COL13A1: variants seen among roughly 807,000 people sequenced by gnomAD.
COL13A1 encodes the protein collagen alpha-1(XIII) chain.
Under a neutral mutation model 130.9 loss-of-function variants are expected in COL13A1, and 89 were observed. That is an observed-to-expected ratio of 0.68 (90% CI 0.57 to 0.81). The LOEUF is 0.81. COL13A1 is among the 30% of genes least tolerant of loss of function. COL13A1 has a pLI of 0.00. For synonymous variants in COL13A1, 402 were observed against 341.6 expected (o/e 1.18, Z -1.95); for missense variants, 879 against 934.6 (o/e 0.94, Z 0.78).
rs190072633 is a variant in COL13A1, at chr10:69,922,556, C to T, written c.1144-152C>T. On this transcript the variant is annotated intron_variant, in intron 22 of 40. Coordinates refer to ENST00000645393, the MANE Select transcript of COL13A1 (RefSeq NM_001368882.1). ...CCTTCAGTAAACACTTCCAATCTCT[C>T]TTCAAATCCCACAGCTGGATCAGAT... Among the ~76,000 whole-genome samples the T allele has an allele frequency of 6.6e-5, 10 of 152,338 alleles. No homozygotes were observed. In the East Asian group the frequency reaches 1.7e-3, roughly 26 times the overall value.
intron 1 of COL13A1, among the ~76,000 whole-genome samples, chr10:69,817,785 G>A (rs12573027): frequency 0.049 from 7,446 of 152,092 alleles, 283 homozygotes; most frequent in East Asian, 0.15. Context: ...AAGTTGGTAG[G>A]ACCCGCAGGT....
intron 10 of COL13A1, among the ~76,000 whole-genome samples, chr10:69,891,310 T>C (rs1424107778): frequency 1.3e-5 from 2 of 152,214 alleles, no homozygotes; most frequent in African/African-American, 4.8e-5. Context: ...AAGAGACTTT[T>C]GAACTAGTGC....
rs1435292281 is a variant in COL13A1, at chr10:69,802,852, G to T, written c.294+135G>T. ...TTCGCGCGAGTTGCCTGCGGGAGGGGTCGGGGACACGGACAGACGCTGCCC... is the reference window on the plus strand; with the variant it reads ...TTCGCGCGAGTTGCCTGCGGGAGGGTTCGGGGACACGGACAGACGCTGCCC... On this transcript the variant is annotated intron_variant, in intron 1 of 40. Coordinates refer to ENST00000645393, the MANE Select transcript of COL13A1 (RefSeq NM_001368882.1). The T allele has an allele frequency of 4.3e-6, 5 of 1,170,308 alleles. No homozygotes were observed. The African/African-American group carries it at 6.2e-5, about 15-fold the overall frequency. 72.5% of individuals were successfully genotyped at this position (1,170,308 alleles called of 1,614,324 possible).
chr10:69,890,751 T>G (rs964639265), intron 10 of COL13A1, among the ~76,000 whole-genome samples: 1 of 152,250 alleles, frequency 6.6e-6, no homozygotes, highest in Admixed American at 6.5e-5. Flanking sequence ...TAATATTTAT[T>G]GAGGGTTTGC....
chr10:69,949,115 C>T (rs986969382), intron 38 of COL13A1, among the ~76,000 whole-genome samples: 3 of 152,144 alleles, frequency 2.0e-5, no homozygotes, highest in Non-Finnish European at 2.9e-5. Flanking sequence ...CTCTTCATGC[C>T]GGGGATTTGA....
chr10:69,858,115 C>CAAAAAAAAAAAAAAAAAAA (rs573668102), intron 2 of COL13A1, among the ~76,000 whole-genome samples: 8 of 80,368 alleles, frequency 1.0e-4, no homozygotes, highest in Admixed American at 1.7e-4. Context: ...GACTCCGTCT[C>CAAAAAAAAAAAAAAAAAAA]AAAAAAAAAA....
chr10:69,949,245 C>T (rs151115111), intron 38 of COL13A1, among the ~76,000 whole-genome samples: 2,015 of 152,262 alleles, frequency 0.013, 57 homozygotes, highest in Admixed American at 0.037. Context: ...TGCAATGGCG[C>T]GATCTCAGCT....
intron 13 of COL13A1, chr10:69,897,428 G>A (rs1289549868): frequency 6.2e-6 from 10 of 1,602,062 alleles, no homozygotes; most frequent in East Asian, 4.5e-5. Flanking sequence ...CTCCCCTCAC[G>A]GTCCCTGTCG....
chr10:69,887,186 C>T (rs1473361921), intron 7 of COL13A1, among the ~76,000 whole-genome samples: 3 of 152,210 alleles, frequency 2.0e-5, no homozygotes, highest in African/African-American at 7.2e-5. Context: ...CGGTGAGGAG[C>T]TCTCCAGGAG....
chr10:69,831,456 A>G (rs1279512607), intron 2 of COL13A1, among the ~76,000 whole-genome samples: 1 of 152,154 alleles, frequency 6.6e-6, no homozygotes. Flanking sequence ...TCCTAGAGCT[A>G]GAAAACTAAC....
At chr10:69,928,387 G>C (rs569539620) in intron 27 of COL13A1, among the ~76,000 whole-genome samples, 1 of 152,144 alleles carries the variant, frequency 6.6e-6, no homozygotes, top group African/African-American at 2.4e-5. Flanking sequence ...ACTGCTCTGC[G>C]TCACTTCTGT....
At chr10:69,884,870 G>A (rs943160923) in intron 7 of COL13A1, among the ~76,000 whole-genome samples, 1 of 152,156 alleles carries the variant, frequency 6.6e-6, no homozygotes, top group Non-Finnish European at 1.5e-5. Context: ...CAGGAATAAA[G>A]CCAAATGCAT....
Position 69,931,754 on chromosome 10 carries a change from G to A in COL13A1, c.1684-806G>A, listed in dbSNP as rs1455629812. Among the ~76,000 whole-genome samples the A allele has an allele frequency of 2.4e-4, 36 of 152,198 alleles. 1 individual carries two copies. The highest frequency in any genetic ancestry group is 2.2e-3 in the Admixed American group (34 of 15,284). ...GACCCCTCAGAGCCTCTGGCCTCTG[G>A]AGCCATATTTATTATCTATTGCTGC... On this transcript the variant is annotated intron_variant, in intron 30 of 40. Transcript: ENST00000645393.
chr10:69,887,298 C>A, intron 7 of COL13A1, 158 bp from the exon 8 acceptor site: 1 of 705,282 alleles, frequency 1.4e-6, no homozygotes, highest in Non-Finnish European at 2.4e-6. Flanking sequence ...TTTCATCTTT[C>A]TCCATCTTCC....
At chr10:69,853,044 G>A (rs1159123907) in intron 2 of COL13A1, among the ~76,000 whole-genome samples, 1 of 152,180 alleles carries the variant, frequency 6.6e-6, no homozygotes, top group African/African-American at 2.4e-5. Context: ...AGGGGGCTCT[G>A]TGCAGCCCAG....
At chr10:69,935,774 C>T (rs1047994115) in intron 32 of COL13A1, among the ~76,000 whole-genome samples, 1 of 152,116 alleles carries the variant, frequency 6.6e-6, no homozygotes, top group Non-Finnish European at 1.5e-5. Flanking sequence ...CTCTGGGAGG[C>T]TGAGGCAGGT....
chr10:69,882,667 C>T (rs2060255763), intron 7 of COL13A1, among the ~76,000 whole-genome samples: 1 of 152,222 alleles, frequency 6.6e-6, no homozygotes, highest in Non-Finnish European at 1.5e-5. Flanking sequence ...GCATTCTTGC[C>T]TCAATACCCT....
chr10:69,881,842 G>A (rs2060171988), intron 7 of COL13A1, among the ~76,000 whole-genome samples: 1 of 152,212 alleles, frequency 6.6e-6, no homozygotes, highest in African/African-American at 2.4e-5. Context: ...TACAGATGAG[G>A]AAACTGAGGC....
At chr10:69,917,262 CT>C in intron 17 of COL13A1, 26 bp from the exon 18 acceptor site, 1 of 1,613,586 alleles carries the variant, frequency 6.2e-7, no homozygotes. Flanking sequence ...TGGTCCTCTC[CT>C]CATGCTTTCT....
Sources: allele counts gnomAD v4.1 joint callset (sites outside exome capture counted in the v4.1 genomes callset), GRCh38; gene constraint gnomAD v4.1.1; transcripts MANE v1.5; gene names NCBI Gene and HGNC (gene_info 2026-07-23, HGNC 2026-07-21).